The following IL23R variants were observed in gnomAD, a reference collection of about 807,000 sequenced individuals.
The protein encoded by IL23R is interleukin-23 receptor.
In IL23R, 34 loss-of-function variants were observed where a neutral mutation model predicts 56.9. The ratio of observed to expected loss-of-function variants is 0.60; its 90% CI spans 0.45 to 0.80. The LOEUF is 0.80. Among genes scored for constraint, IL23R ranks in the 30% least tolerant of loss-of-function variants. IL23R has a pLI of 0.00. For synonymous variants in IL23R, 230 were observed against 249.2 expected (o/e 0.92, Z 0.73); for missense variants, 635 against 730.0 (o/e 0.87, Z 1.50).
At chr1:67,236,190 G>A (rs1651459485) in intron 7 of IL23R, among the ~76,000 whole-genome samples, 1 of 152,210 alleles carries the variant, frequency 6.6e-6, no homozygotes, top group South Asian at 2.1e-4. Context: ...AGTCATTGGT[G>A]ACATCCCACC....
At chr1:67,213,658 T>C (rs1649643563) in intron 6 of IL23R, among the ~76,000 whole-genome samples, 1 of 152,228 alleles carries the variant, frequency 6.6e-6, no homozygotes, top group Non-Finnish European at 1.5e-5. Context: ...TATAGGTTTG[T>C]AGCCTAGAAG....
chr1:67,230,064 C>T (rs12044099), intron 7 of IL23R, among the ~76,000 whole-genome samples: 40 of 152,302 alleles, frequency 2.6e-4, no homozygotes, highest in South Asian at 1.2e-3. Flanking sequence ...AAAAGTCTGG[C>T]GAGGACCCTG....
At chr1:67,144,960 A>G (rs1182099357) in intron 1 of IL23R, among the ~76,000 whole-genome samples, 1 of 152,192 alleles carries the variant, frequency 6.6e-6, no homozygotes, top group Admixed American at 6.5e-5. Context: ...ACATGTCTAC[A>G]TGTTAATTTA....
chr1:67,242,432 GA>G (rs202156411), intron 9 of IL23R, among the ~76,000 whole-genome samples: 1 of 151,830 alleles, frequency 6.6e-6, no homozygotes, highest in Non-Finnish European at 1.5e-5. Context: ...GCATAAGCAA[GA>G]AAAAAAATAT....
chr1:67,167,872 T>A (rs765130607), intron 1 of IL23R, among the ~76,000 whole-genome samples: 7 of 152,336 alleles, frequency 4.6e-5, no homozygotes, highest in African/African-American at 7.2e-5. Context: ...TAAAATTCCA[T>A]TTATTTGCTT....
intron 1 of IL23R, 140 bp from the exon 2 acceptor site, chr1:67,167,952 C>A: frequency 1.7e-6 from 1 of 604,212 alleles, no homozygotes; most frequent in Non-Finnish European, 3.0e-6. Flanking sequence ...TCCTTCCTTC[C>A]TTTCTTCCTT....
chr1:67,188,948 T>C (rs1647547801), intron 4 of IL23R, among the ~76,000 whole-genome samples: 1 of 152,162 alleles, frequency 6.6e-6, no homozygotes, highest in Non-Finnish European at 1.5e-5. Flanking sequence ...TAGCAAAGGA[T>C]ATTATAATAT....
At chr1:67,160,106 A>C (rs952938908) in intron 1 of IL23R, among the ~76,000 whole-genome samples, 1 of 151,948 alleles carries the variant, frequency 6.6e-6, no homozygotes, top group African/African-American at 2.4e-5. Flanking sequence ...ACCCACCTTG[A>C]CCTCCAAAAG....
intron 7 of IL23R, among the ~76,000 whole-genome samples, chr1:67,226,386 G>T (rs981054742): frequency 6.6e-6 from 1 of 152,190 alleles, no homozygotes; most frequent in Non-Finnish European, 1.5e-5. Context: ...TAGCGGGATA[G>T]ATAGGGAGCT....
In IL23R at chr1:67,177,235, C is replaced by T. The variant is rs1010580612; in HGVS notation, c.368-5601C>T. On this transcript the variant is annotated intron_variant, in intron 3 of 10. Transcript: ENST00000347310. ...TTGAACTAGTTTACAGTCCCACCAA[C>T]AGTGTAAAAGTGTTCCTATTTCTCC... Among the ~76,000 whole-genome samples, 56 of 152,180 alleles carry T rather than the reference C, an allele frequency of 3.7e-4. 1 individual carries two copies. The highest frequency in any genetic ancestry group is 7.3e-5 in the Non-Finnish European group (5 of 68,036).
At chr1:67,256,027 C>T (rs1652927830) in intron 10 of IL23R, 100 bp downstream of exon 10, 3 of 701,264 alleles carry the variant, frequency 4.3e-6, no homozygotes, top group Non-Finnish European at 7.7e-6. Flanking sequence ...TAAATGTGCA[C>T]ACATATTAAC....
At chr1:67,225,518 C>CTT (rs34530155) in intron 7 of IL23R, among the ~76,000 whole-genome samples, 22 of 145,650 alleles carry the variant, frequency 1.5e-4, no homozygotes, top group East Asian at 6.0e-4. Context: ...TGCTTGGGCA[C>CTT]TTTTTTTTTT....
rs114673633 is a variant in IL23R at position 67,193,888 on chromosome 1, G to A, written c.492-6849G>A. On this transcript the variant is annotated intron_variant, in intron 4 of 10. Transcript: ENST00000347310. ...GCTCAGTCCCACAAGACTCAACCCT[G>A]TTTTAAATGTCAATCACAAGCCCCA... 3.1e-3 allele frequency among the ~76,000 whole-genome samples: 474 copies of A among 152,286 alleles called. 5 individuals are homozygous for A. The highest frequency in any genetic ancestry group is 0.011 in the African/African-American group (457 of 41,560).
intron 1 of IL23R, among the ~76,000 whole-genome samples, chr1:67,150,977 G>A (rs1224459156): frequency 2.0e-5 from 3 of 152,178 alleles, no homozygotes; most frequent in Non-Finnish European, 4.4e-5. Flanking sequence ...ACCTAGTAAT[G>A]AGATGCTGGG....
chr1:67,253,018 T>C lies in IL23R; in HGVS notation c.1149-2819T>C, dbSNP rs72929046. 3.7e-3 allele frequency among the ~76,000 whole-genome samples: 567 copies of C among 152,306 alleles called. 3 individuals are homozygous for C. The highest frequency in any genetic ancestry group is 0.013 in the African/African-American group (537 of 41,562). On this transcript the variant is annotated intron_variant, in intron 9 of 10. Transcript: ENST00000347310. ...AGTCAGGTTTTCACTCTTGTCTGCC[T>C]GTTAAGTTAGGTTACAGTTCATCCA...
At chr1:67,176,777 C>A (rs7554898) in intron 3 of IL23R, among the ~76,000 whole-genome samples, 72,027 of 151,592 alleles carry the variant, frequency 0.48, 17,750 homozygotes, top group East Asian at 0.64. Context: ...TAATGCTATC[C>A]CTCCCCCCTC....
chr1:67,223,883 T>C (rs1650451172), intron 7 of IL23R, among the ~76,000 whole-genome samples: 1 of 152,182 alleles, frequency 6.6e-6, no homozygotes, highest in South Asian at 2.1e-4. Context: ...TGTATATAAA[T>C]GGTCTTTATT....
chr1:67,169,002 G>A (rs1031626762), intron 2 of IL23R, among the ~76,000 whole-genome samples: 47 of 151,962 alleles, frequency 3.1e-4, no homozygotes, highest in Non-Finnish European at 5.1e-4. Context: ...TTAGCCGGGC[G>A]TGGTGGTGCT....
chr1:67,259,534 A>AT lies in IL23R; in HGVS notation c.*412dup, dbSNP rs1553300275. 1 of 227,252 alleles carries AT rather than the reference A, an allele frequency of 4.4e-6. No homozygotes were observed. Among genetic ancestry groups the AT allele is most frequent in the Non-Finnish European group, 8.7e-6 (1 of 115,330 alleles). 14.1% of individuals were successfully genotyped at this position (227,252 alleles called of 1,614,324 possible). On this transcript the variant is annotated 3_prime_UTR_variant, in exon 11 of 11. Transcript: ENST00000347310. ...ACAGCATTATGTGGACGCCTCATGT[A>AT]TTTTTTATAGAGTCAACTATTTCCT...
Sources: gnomAD v4.1 joint callset for allele counts (sites outside exome capture counted in the v4.1 genomes callset) on GRCh38, gnomAD v4.1.1 for gene constraint, MANE v1.5 for transcripts, NCBI Gene and HGNC (gene_info 2026-07-23, HGNC 2026-07-21) for gene names.